The following GFOD1 variants were observed in gnomAD, a reference collection of about 807,000 sequenced individuals.
GFOD1 encodes the protein glucose-fructose oxidoreductase domain-containing protein 1.
GFOD1 carries 9 observed loss-of-function variants against 25.4 expected under a neutral mutation model. The observed-to-expected ratio is 0.35, with a 90% CI of 0.21 to 0.62. The LOEUF (loss-of-function observed/expected upper bound fraction) is 0.62. Among genes scored for constraint, GFOD1 ranks in the 20% least tolerant of loss-of-function variants. GFOD1 has a pLI of 0.72. For missense variants in GFOD1, 403 were observed against 556.9 expected, an observed-to-expected ratio of 0.72 and a Z score of 2.78; for synonymous variants, 253 against 245.6, an observed-to-expected ratio of 1.03 and a Z score of -0.28.
rs945904771 is a variant in GFOD1, at chr6:13,362,498, A to C, written c.*2245T>G. On this transcript the variant is annotated 3_prime_UTR_variant, in exon 2 of 2. Coordinates refer to ENST00000379287, the MANE Select transcript of GFOD1 (RefSeq NM_018988.4). Reference sequence around the variant, plus strand: ...AAAAAAAAGAAGAAGAATGTGAACCAAAGCAGTCCATGACATGGGCCTCTG... The same window carrying C: ...AAAAAAAAGAAGAAGAATGTGAACCCAAGCAGTCCATGACATGGGCCTCTG... 2.0e-5 allele frequency: 3 copies of C among 151,920 alleles called. No individual in the cohort carries two copies. Among genetic ancestry groups the C allele is most frequent in the Non-Finnish European group, 4.4e-5 (3 of 68,050 alleles). The allele number at this position is 151,920 out of a possible 1,614,324, so 9.4% of individuals were successfully genotyped here.
intron 1 of GFOD1, among the ~76,000 whole-genome samples, chr6:13,394,616 A>G (rs821300): frequency 0.65 from 97,629 of 150,930 alleles, 32,605 homozygotes; most frequent in South Asian, 0.74. Flanking sequence ...CTGGGACTAC[A>G]GGTGCATGCT....
intron 1 of GFOD1, among the ~76,000 whole-genome samples, chr6:13,380,928 G>C (rs915534268): frequency 6.6e-6 from 1 of 152,180 alleles, no homozygotes; most frequent in African/African-American, 2.4e-5. Context: ...GATTGCCCAG[G>C]CTTCCTCCTG....
intron 1 of GFOD1, among the ~76,000 whole-genome samples, chr6:13,448,254 T>A (rs1302092911): frequency 6.6e-6 from 1 of 152,212 alleles, no homozygotes; most frequent in Non-Finnish European, 1.5e-5. Flanking sequence ...ATCTTATACA[T>A]GGAACGCTAA....
At chr6:13,381,307 G>A (rs1785357636) in intron 1 of GFOD1, among the ~76,000 whole-genome samples, 1 of 152,224 alleles carries the variant, frequency 6.6e-6, no homozygotes, top group Non-Finnish European at 1.5e-5. Flanking sequence ...AAAGCTGGAA[G>A]CCCACAGCCT....
Position 13,360,666 on chromosome 6 carries a change from C to G in GFOD1, c.*4077G>C, listed in dbSNP as rs1325173565. The G allele has an allele frequency of 6.6e-6, 3 of 451,738 alleles. No individual in the cohort carries two copies. The highest frequency in any genetic ancestry group is 1.3e-5 in the Non-Finnish European group (3 of 222,974). 28.0% of individuals were successfully genotyped at this position (451,738 alleles called of 1,614,324 possible). On this transcript the variant is annotated 3_prime_UTR_variant, in exon 2 of 2. Transcript: ENST00000379287. ...ATTTCCATTTTGGAATGGGAAGAAA[C>G]ACTGGCTACTTCTATGTGCAGCTCT...
intron 1 of GFOD1, among the ~76,000 whole-genome samples, chr6:13,471,199 CT>C (rs1758496049): frequency 6.6e-6 from 1 of 152,168 alleles, no homozygotes; most frequent in Non-Finnish European, 1.5e-5. Flanking sequence ...CAGGAGCTAG[CT>C]GCCAGGTGTT....
chr6:13,437,380 C>G (rs1322162475), intron 1 of GFOD1, among the ~76,000 whole-genome samples: 5 of 152,194 alleles, frequency 3.3e-5, no homozygotes, highest in Admixed American at 1.3e-4. Context: ...TCCACACTCC[C>G]TCACATGCAG....
intron 1 of GFOD1, among the ~76,000 whole-genome samples, chr6:13,454,090 C>CA (rs1163722655): frequency 1.3e-5 from 2 of 152,160 alleles, no homozygotes; most frequent in African/African-American, 4.8e-5. Flanking sequence ...CAGGCATGCA[C>CA]ACAGGCAGAA....
chr6:13,398,149 T>C (rs1785772383), intron 1 of GFOD1, among the ~76,000 whole-genome samples: 1 of 152,218 alleles, frequency 6.6e-6, no homozygotes, highest in South Asian at 2.1e-4. Context: ...CAGTTACTGC[T>C]CTGAGCCTCG....
intron 1 of GFOD1, among the ~76,000 whole-genome samples, chr6:13,421,267 C>T (rs1003265059): frequency 6.6e-6 from 1 of 152,124 alleles, no homozygotes; most frequent in African/African-American, 2.4e-5. Flanking sequence ...GCAGCCAGAT[C>T]GCTTGAGCCC....
intron 1 of GFOD1, among the ~76,000 whole-genome samples, chr6:13,417,346 G>T (rs1042780549): frequency 4.6e-5 from 7 of 152,144 alleles, no homozygotes; most frequent in Non-Finnish European, 7.4e-5. Flanking sequence ...GTAGAGATGG[G>T]GTTTCACCAT....
chr6:13,399,040 G>C (rs563758663), intron 1 of GFOD1, among the ~76,000 whole-genome samples: 2 of 152,188 alleles, frequency 1.3e-5, no homozygotes, highest in South Asian at 4.2e-4. Context: ...TCTGAGACAG[G>C]GTCTCACTAT....
chr6:13,409,088 G>GAAAAGAAA (rs1554201853), intron 1 of GFOD1, among the ~76,000 whole-genome samples: 240 of 36,708 alleles, frequency 6.5e-3, no homozygotes, highest in African/African-American at 0.018. Context: ...CCATCAGAAA[G>GAAAAGAAA]GAAAGAAAGA....
intron 1 of GFOD1, among the ~76,000 whole-genome samples, chr6:13,459,217 T>A (rs968346801): frequency 2.6e-5 from 4 of 152,032 alleles, no homozygotes; most frequent in Admixed American, 2.0e-4. Flanking sequence ...TTTCCAACCA[T>A]CTAATCTTCG....
intron 1 of GFOD1, among the ~76,000 whole-genome samples, chr6:13,380,808 G>A (rs1335811424): frequency 6.6e-6 from 1 of 152,224 alleles, no homozygotes; most frequent in Non-Finnish European, 1.5e-5. Context: ...CTAGGCTGAG[G>A]ATCGCTGGGA....
chr6:13,364,396 T>A lies in GFOD1; in HGVS notation c.*347A>T, dbSNP rs996910104. On this transcript the variant is annotated 3_prime_UTR_variant, in exon 2 of 2. Transcript: ENST00000379287. This position sits in a 1 kb window ranked among gnomAD's most constrained non-coding sequence, Gnocchi z 4.1. ...ACTTGGCTTGCAGAAGGCCAAGGTG[T>A]GTGGGATGGATGAGGTAGGGAGGGA... 3.7e-6 allele frequency: 1 copy of A among 272,762 alleles called. No homozygotes were observed. Among genetic ancestry groups the A allele is most frequent in the African/African-American group, 2.2e-5 (1 of 46,016 alleles). 16.9% of individuals were successfully genotyped at this position (272,762 alleles called of 1,614,324 possible). A position where few individuals can be genotyped will look rare whatever the true frequency, so the allele number is the denominator to read the frequency against.
intron 1 of GFOD1, chr6:13,470,088 T>C (rs1223453824): frequency 7.1e-7 from 1 of 1,404,580 alleles, no homozygotes; most frequent in South Asian, 1.1e-5. Context: ...ATACAGATGT[T>C]GAATTCGTTT....
In GFOD1 at chr6:13,442,129, G is replaced by A. The variant is rs141803147; in HGVS notation, c.253+44509C>T. On this transcript the variant is annotated intron_variant, in intron 1 of 1. Transcript: ENST00000379287. ...CTCCATACAGACAGTGGCCAAGGCC[G>A]GGAATCAATTTTTTTTCTAATCGTT... 6.3e-4 allele frequency among the ~76,000 whole-genome samples: 96 copies of A among 152,336 alleles called. No homozygotes were observed. The East Asian group carries it at 0.016, about 25-fold the overall frequency.
rs70989854 is a variant in GFOD1, at chr6:13,393,780, C to CTTTTTTTTTTTTTT, written c.254-28132_254-28119dup. 8.3e-5 allele frequency among the ~76,000 whole-genome samples: 10 copies of CTTTTTTTTTTTTTT among 120,284 alleles called. 1 individual carries two copies. The highest frequency in any genetic ancestry group is 2.0e-4 in the Admixed American group (2 of 9,802). The allele number at this position is 120,284 out of a possible 152,430, so 78.9% of individuals were successfully genotyped here. ...CCTTGGCCAATTTCTTTTTTCTTTTCTTTTTTTTTTTTTTTTTGAGACGGA... is the reference window on the plus strand; with the variant it reads ...CCTTGGCCAATTTCTTTTTTCTTTTCTTTTTTTTTTTTTTTTTTTTTTTTTTTTTTTGAGACGGA... On this transcript the variant is annotated intron_variant, in intron 1 of 1. Transcript: ENST00000379287.
Sources: gnomAD v4.1 joint callset for allele counts (sites outside exome capture counted in the v4.1 genomes callset) on GRCh38, gnomAD v4.1.1 for gene constraint, Gnocchi (gnomAD v3.1) non-coding constraint, MANE v1.5 for transcripts, NCBI Gene and HGNC (gene_info 2026-07-23, HGNC 2026-07-21) for gene names.